Variants in GPAT4 observed in about 807,000 individuals in gnomAD.
The protein encoded by GPAT4 is glycerol-3-phosphate acyltransferase 4, also known as 1-AGP acyltransferase 6.
GPAT4 carries 17 observed loss-of-function variants against 58.0 expected under a neutral mutation model. The observed-to-expected ratio is 0.29, with a 90% confidence interval of 0.20 to 0.44. GPAT4 has a LOEUF of 0.44. GPAT4 is among the 20% of genes least tolerant of loss of function. GPAT4 has a pLI of 1.00. For synonymous variants in GPAT4, 204 were observed against 210.1 expected (o/e 0.97, Z 0.25); for missense variants, 377 against 574.5 (o/e 0.66, Z 3.51).
chr8:41,594,825 G>A (rs1028060729), intron 1 of GPAT4, among the ~76,000 whole-genome samples: 5 of 152,044 alleles, frequency 3.3e-5, no homozygotes, highest in Non-Finnish European at 5.9e-5. Flanking sequence ...GATTTCAGGC[G>A]TAAGCCACCG....
intron 1 of GPAT4, among the ~76,000 whole-genome samples, chr8:41,582,674 A>AGTGTGT (rs34365074): frequency 0.18 from 24,947 of 142,444 alleles, 2,052 homozygotes; most frequent in Middle Eastern, 0.24. Context: ...AGAGAGAGAG[A>AGTGTGT]GTGTGTGTGT....
At chr8:41,590,336 C>G (rs1170989028) in intron 1 of GPAT4, among the ~76,000 whole-genome samples, 1 of 152,222 alleles carries the variant, frequency 6.6e-6, no homozygotes, top group East Asian at 1.9e-4. Flanking sequence ...ATCCACCTGC[C>G]TCAGCCTCCC....
chr8:41,592,822 C>T (rs1419810969), intron 1 of GPAT4, among the ~76,000 whole-genome samples: 2 of 152,134 alleles, frequency 1.3e-5, no homozygotes, highest in African/African-American at 4.8e-5. Context: ...CCCATCGATT[C>T]CTAAGGTCAC....
At position 41,598,980 on chromosome 8, in the gene GPAT4, C is replaced by T; in HGVS notation, c.-160C>T. ...TTTTTCTGTCATTCTGTTCCCAGGCCTTCTATTCAGGCGGTTGAAGGGTGT... is the reference window on the plus strand; with the variant it reads ...TTTTTCTGTCATTCTGTTCCCAGGCTTTCTATTCAGGCGGTTGAAGGGTGT... On this transcript the variant is annotated 5_prime_UTR_variant, in exon 2 of 13. Coordinates refer to ENST00000396987, the MANE Select transcript of GPAT4 (RefSeq NM_178819.4). 2.2e-6 allele frequency: 2 copies of T among 929,350 alleles called. No individual in the cohort carries two copies. Among genetic ancestry groups the T allele is most frequent in the South Asian group, 1.9e-5 (1 of 53,848 alleles). The allele number at this position is 929,350 out of a possible 1,614,324, so 57.6% of individuals were successfully genotyped here. A position where few individuals can be genotyped will look rare whatever the true frequency, so the allele number is the denominator to read the frequency against.
intron 1 of GPAT4, among the ~76,000 whole-genome samples, chr8:41,581,413 T>C (rs1395273771): frequency 6.6e-6 from 1 of 152,158 alleles, no homozygotes; most frequent in Non-Finnish European, 1.5e-5. Context: ...AATAGAAAAA[T>C]GCTTTGTAAA....
intron 1 of GPAT4, among the ~76,000 whole-genome samples, chr8:41,590,590 C>T (rs879525279): frequency 5.9e-5 from 9 of 152,180 alleles, no homozygotes; most frequent in Non-Finnish European, 1.3e-4. Flanking sequence ...GTGAGGATTA[C>T]TTGAGGGTGG....
chr8:41,622,200 G>C lies in GPAT4; in HGVS notation c.*1199G>C, dbSNP rs1360268524. On this transcript the variant is annotated 3_prime_UTR_variant, in exon 13 of 13. Transcript: ENST00000396987. Reference sequence around the variant, plus strand: ...AGGGGAAGCAATGAGTAAACTCCAGGGTGGGGGAGGAGCAAGGGCCCGGGG... The same window carrying C: ...AGGGGAAGCAATGAGTAAACTCCAGCGTGGGGGAGGAGCAAGGGCCCGGGG... 6.6e-6 allele frequency: 1 copy of C among 152,462 alleles called. No individual in the cohort carries two copies. The highest frequency in any genetic ancestry group is 2.1e-4 in the South Asian group (1 of 4,830). The allele number at this position is 152,462 out of a possible 1,614,324, so 9.4% of individuals were successfully genotyped here.
chr8:41,586,067 GTT>G (rs1251417432), intron 1 of GPAT4, among the ~76,000 whole-genome samples: 7 of 152,308 alleles, frequency 4.6e-5, no homozygotes, highest in African/African-American at 1.4e-4. Context: ...AGAAAGAAAC[GTT>G]TTAGCTATCA....
At chr8:41,618,514 C>A in intron 10 of GPAT4, 170 bp from the exon 11 acceptor site, 1 of 814,958 alleles carries the variant, frequency 1.2e-6, no homozygotes, top group Non-Finnish European at 2.0e-6. Flanking sequence ...GTGTTGCTCA[C>A]AGTCAGAACC....
At chr8:41,596,703 A>AC (rs961780878) in intron 1 of GPAT4, among the ~76,000 whole-genome samples, 2 of 152,164 alleles carry the variant, frequency 1.3e-5, no homozygotes, top group Non-Finnish European at 2.9e-5. Flanking sequence ...GGCCTAAGTC[A>AC]CCTAAGGGGC....
intron 2 of GPAT4, among the ~76,000 whole-genome samples, chr8:41,605,757 A>G (rs1200719705): frequency 2.6e-5 from 4 of 152,148 alleles, no homozygotes; most frequent in Non-Finnish European, 4.4e-5. Flanking sequence ...GTGTTAGTAG[A>G]GATGGGGTTT....
chr8:41,597,483 CTA>C (rs1245836935), intron 1 of GPAT4, among the ~76,000 whole-genome samples: 2 of 152,082 alleles, frequency 1.3e-5, no homozygotes, highest in Non-Finnish European at 1.5e-5. Context: ...AGTTTAATCT[CTA>C]TGTGGAAAAT....
At chr8:41,605,240 T>C (rs1004546714) in intron 2 of GPAT4, among the ~76,000 whole-genome samples, 2 of 152,322 alleles carry the variant, frequency 1.3e-5, no homozygotes, top group Non-Finnish European at 1.5e-5. Context: ...TGTAGTCTAG[T>C]AGGAAAGACA....
intron 1 of GPAT4, among the ~76,000 whole-genome samples, chr8:41,591,992 G>C (rs1172564583): frequency 6.6e-6 from 1 of 152,204 alleles, no homozygotes; most frequent in African/African-American, 2.4e-5. Flanking sequence ...GTTTGATTCG[G>C]TTGAGCATGT....
intron 1 of GPAT4, among the ~76,000 whole-genome samples, chr8:41,589,057 C>T (rs1183962528): frequency 1.7e-4 from 26 of 152,128 alleles, no homozygotes; most frequent in Non-Finnish European, 1.8e-4. Context: ...GATAGCCTCT[C>T]GTAAAAGAAC....
intron 1 of GPAT4, among the ~76,000 whole-genome samples, chr8:41,581,477 G>A (rs1367052568): frequency 6.6e-6 from 1 of 152,102 alleles, no homozygotes; most frequent in Admixed American, 6.6e-5. Context: ...TTATAGAGAT[G>A]GTCTTGATCT....
intron 5 of GPAT4, among the ~76,000 whole-genome samples, chr8:41,611,299 G>A (rs1197537999): frequency 6.6e-6 from 1 of 152,124 alleles, no homozygotes; most frequent in Non-Finnish European, 1.5e-5. Context: ...TTTGATCTAT[G>A]ACTGTTCTTT....
rs965906001 is a variant in GPAT4 at position 41,610,405 on chromosome 8, C to T, written c.537-331C>T. The T allele has an allele frequency of 8.9e-6, 11 of 1,242,368 alleles. No homozygotes were observed. The African/African-American group carries it at 9.3e-5, about 10-fold the overall frequency. The allele number at this position is 1,242,368 out of a possible 1,614,324, so 77.0% of individuals were successfully genotyped here. ...CTTCAGAGGGAAGCTGTGCTTCCAC[C>T]GGGGTTTCCAGCCAAAGGGAAGGGG... On this transcript the variant is annotated intron_variant, in intron 4 of 12. Transcript: ENST00000396987.
intron 4 of GPAT4, chr8:41,610,334 G>A (rs1324452594): frequency 8.2e-7 from 1 of 1,220,374 alleles, no homozygotes; most frequent in East Asian, 4.9e-5. Context: ...GCTGCTCTGA[G>A]TGTGCCTTGC....
Sources: gnomAD v4.1 joint callset for allele counts (sites outside exome capture counted in the v4.1 genomes callset) on GRCh38, gnomAD v4.1.1 for gene constraint, MANE v1.5 for transcripts, NCBI Gene and HGNC (gene_info 2026-07-23, HGNC 2026-07-21) for gene names.